Variants in DNAJC25 observed in about 807,000 individuals in gnomAD.
DNAJC25 encodes DnaJ heat shock protein family (Hsp40) member C25, also known as dnaJ homolog subfamily C member 25.
Under a neutral mutation model 42.1 loss-of-function variants are expected in DNAJC25, and 26 were observed. That is an observed-to-expected ratio of 0.62 (90% CI 0.45 to 0.86). The LOEUF is 0.86. Ranked by LOEUF, DNAJC25 falls within the 40% of genes least tolerant of loss-of-function variation. The probability of loss-of-function intolerance (pLI) is 0.00; values close to 1 mark genes in which losing one functional copy is unlikely to be tolerated. For synonymous variants in DNAJC25, 189 were observed against 179.9 expected (o/e 1.05, Z -0.40); for missense variants, 404 against 459.4 (o/e 0.88, Z 1.10).
rs368121935 is a variant in DNAJC25 at position 111,634,693 on chromosome 9, T to A, written c.336+2950T>A. Among the ~76,000 whole-genome samples the A allele has an allele frequency of 5.9e-5, 9 of 151,488 alleles. No individual in the cohort carries two copies. The East Asian group carries it at 9.7e-4, about 16-fold the overall frequency. ...GTGGATTTATGATTCTGAGGTGGTT[T>A]TGGTCAAATAAATGCCCTTTTGAGG... On this transcript the variant is annotated intron_variant, in intron 1 of 3. Coordinates refer to ENST00000313525, the MANE Select transcript of DNAJC25 (RefSeq NM_001015882.3).
chr9:111,635,022 C>CT (rs1395638261), intron 1 of DNAJC25, among the ~76,000 whole-genome samples: 2 of 152,204 alleles, frequency 1.3e-5, no homozygotes, highest in African/African-American at 4.8e-5. Flanking sequence ...GCTTTATAAA[C>CT]TAAGACCATG....
intron 1 of DNAJC25, among the ~76,000 whole-genome samples, chr9:111,637,797 C>T (rs1177730706): frequency 6.6e-5 from 10 of 152,306 alleles, no homozygotes; most frequent in South Asian, 2.1e-4. Context: ...CTGACCATTT[C>T]GTTCTTTAAG....
chr9:111,631,512 C>T lies in DNAJC25; in HGVS notation c.105C>T (p.Pro35=). Residue 35 remains proline (P), a synonymous_variant, in exon 1 of 4, where the codon CCC becomes CCT. Transcript: ENST00000313525. ...PLLPALLLVR[P]AGALVEGLYC... ...TGCCGGCGCTGCTGCTGGTGCGGCCCGCGGGGGCCCTGGTGGAGGGGCTCT... is the reference window on the plus strand; with the variant it reads ...TGCCGGCGCTGCTGCTGGTGCGGCCTGCGGGGGCCCTGGTGGAGGGGCTCT... The T allele has an allele frequency of 2.5e-5, 33 of 1,332,988 alleles. No individual in the cohort carries two copies. Among genetic ancestry groups the T allele is most frequent in the Non-Finnish European group, 3.1e-5 (33 of 1,048,262 alleles). The allele number at this position is 1,332,988 out of a possible 1,614,324, so 82.6% of individuals were successfully genotyped here.
chr9:111,634,441 C>T (rs912287552), intron 1 of DNAJC25, among the ~76,000 whole-genome samples: 1 of 152,158 alleles, frequency 6.6e-6, no homozygotes, highest in Non-Finnish European at 1.5e-5. Context: ...TCCGTTGAGG[C>T]AATGGAGATG....
chr9:111,631,836 G>A, intron 1 of DNAJC25, 93 bp downstream of exon 1: 3 of 1,423,028 alleles, frequency 2.1e-6, no homozygotes, highest in Non-Finnish European at 2.7e-6. Context: ...GGGCCTCTGT[G>A]ACCCCGAAAC....
chr9:111,631,362 G>C lies in DNAJC25; in HGVS notation c.-46G>C. 7.9e-7 allele frequency: 1 copy of C among 1,266,618 alleles called. No individual in the cohort carries two copies. Among genetic ancestry groups the C allele is most frequent in the South Asian group, 3.1e-5 (1 of 32,240 alleles). 78.5% of individuals were successfully genotyped at this position (1,266,618 alleles called of 1,614,324 possible). On this transcript the variant is annotated 5_prime_UTR_variant, in exon 1 of 4. Coordinates refer to ENST00000313525, the MANE Select transcript of DNAJC25 (RefSeq NM_001015882.3). Reference sequence around the variant, plus strand: ...CGGGACTAGCCGGGCGCGCGGCTGAGTGCTGCAGAATCGCTGGGGTGGCAG... The same window carrying C: ...CGGGACTAGCCGGGCGCGCGGCTGACTGCTGCAGAATCGCTGGGGTGGCAG...
intron 1 of DNAJC25, among the ~76,000 whole-genome samples, chr9:111,644,764 G>T (rs1336494152): frequency 6.6e-6 from 1 of 152,226 alleles, no homozygotes; most frequent in Non-Finnish European, 1.5e-5. Context: ...TTAAAGTCAA[G>T]GATTTAAGGC....
chr9:111,648,702 A>G (rs1476835920), intron 2 of DNAJC25, among the ~76,000 whole-genome samples: 1 of 152,224 alleles, frequency 6.6e-6, no homozygotes, highest in East Asian at 1.9e-4. Context: ...GTTTTAAACA[A>G]TCTAATACTG....
At chr9:111,638,317 C>T (rs1012747165) in intron 1 of DNAJC25, among the ~76,000 whole-genome samples, 11 of 152,138 alleles carry the variant, frequency 7.2e-5, no homozygotes, top group Admixed American at 7.2e-4. Flanking sequence ...CTGGAAAATA[C>T]CTACCAAGCA....
intron 1 of DNAJC25, among the ~76,000 whole-genome samples, chr9:111,643,282 A>G (rs1232180868): frequency 6.6e-6 from 1 of 152,230 alleles, no homozygotes; most frequent in Non-Finnish European, 1.5e-5. Flanking sequence ...AAACCTTCAC[A>G]AAAGTTCACT....
chr9:111,646,394 G>A (rs905542527), intron 1 of DNAJC25, among the ~76,000 whole-genome samples: 2 of 152,144 alleles, frequency 1.3e-5, no homozygotes, highest in Non-Finnish European at 2.9e-5. Context: ...AGTTGGTATC[G>A]GTAAGGAAGA....
intron 1 of DNAJC25, 157 bp from the exon 2 acceptor site, chr9:111,646,950 G>T: frequency 1.3e-6 from 1 of 753,370 alleles, no homozygotes; most frequent in South Asian, 4.1e-5. Context: ...ACATGGCTTT[G>T]AAGAGCAATG....
intron 2 of DNAJC25, 132 bp from the exon 3 acceptor site, chr9:111,649,321 G>T: frequency 1.4e-6 from 2 of 1,406,720 alleles, no homozygotes; most frequent in Non-Finnish European, 1.9e-6. Context: ...TACAAAGTAA[G>T]ATCTTTGAGA....
chr9:111,649,978 C>T, intron 3 of DNAJC25, 55 bp downstream of exon 3: 1 of 1,457,696 alleles, frequency 6.9e-7, no homozygotes, highest in Non-Finnish European at 9.1e-7. Context: ...AAGTTAAAAT[C>T]AGGTGTATTA....
At chr9:111,650,995 G>C (rs1830650383) in intron 3 of DNAJC25, among the ~76,000 whole-genome samples, 1 of 152,076 alleles carries the variant, frequency 6.6e-6, no homozygotes, top group Non-Finnish European at 1.5e-5. Flanking sequence ...GGCTGGGTGT[G>C]GTGGCTCACA....
At chr9:111,646,706 ACTAT>A (rs1830572492) in intron 1 of DNAJC25, among the ~76,000 whole-genome samples, 1 of 152,324 alleles carries the variant, frequency 6.6e-6, no homozygotes, top group East Asian at 1.9e-4. Flanking sequence ...TTAGCAGAAA[ACTAT>A]CTATACAAGG....
chr9:111,631,646 G>A lies in DNAJC25; in HGVS notation c.239G>A (p.Arg80His), dbSNP rs1830280224. ...CTGGCCCGGCGCTACCACCCTGACC[G>A]CTACCGGCCCCAGCCCGGAGACGAG... ...RQLARRYHPD[R>H]YRPQPGDEGP... is the part of the protein sequence containing the mutation. Residue 80 changes from arginine (R) to histidine (H), a missense_variant, in exon 1 of 4, where the codon CGC (arginine) becomes CAC (histidine). Arg to His is a conservative substitution (Grantham distance 29, BLOSUM62 0). Coordinates refer to ENST00000313525, the MANE Select transcript of DNAJC25 (RefSeq NM_001015882.3). The A allele has an allele frequency of 6.6e-7, 1 of 1,514,628 alleles. No individual in the cohort carries two copies. Among genetic ancestry groups the A allele is most frequent in the African/African-American group, 1.4e-5 (1 of 69,878 alleles). The allele number at this position is 1,514,628 out of a possible 1,614,324, so 93.8% of individuals were successfully genotyped here.
chr9:111,649,910 A>G lies in DNAJC25; in HGVS notation c.947A>G (p.Lys316Arg). The G allele has an allele frequency of 6.3e-7, 1 of 1,577,576 alleles. No individual in the cohort carries two copies. Among genetic ancestry groups the G allele is most frequent in the East Asian group, 2.2e-5 (1 of 44,732 alleles). Residue 316 changes from lysine to arginine, a missense_variant, in exon 3 of 4, where the codon AAG becomes AGG. Transcript: ENST00000313525. ...TTTCTTAAACGAGAGCTCTGGATCA[A>G]GGAGAATTATGAGGTGAGTAGTCAC... Reference protein sequence around the residue: ...ETFLKRELWIKENYEVYKQEQ... With the variant: ...ETFLKRELWIRENYEVYKQEQ...
At chr9:111,639,113 ACAGT>A (rs1200215794) in intron 1 of DNAJC25, among the ~76,000 whole-genome samples, 7 of 152,110 alleles carry the variant, frequency 4.6e-5, no homozygotes, top group Non-Finnish European at 4.4e-5. Flanking sequence ...GTGTTTTTAG[ACAGT>A]CAGCCCCTTG....
Sources: allele counts gnomAD v4.1 joint callset (sites outside exome capture counted in the v4.1 genomes callset), GRCh38; gene constraint gnomAD v4.1.1; transcripts MANE v1.5; gene names NCBI Gene and HGNC (gene_info 2026-07-23, HGNC 2026-07-21).